DLG2: variants seen among roughly 807,000 people sequenced by gnomAD.
DLG2 encodes disks large homolog 2.
Under a neutral mutation model 132.5 loss-of-function variants are expected in DLG2, and 45 were observed. The observed-to-expected ratio is 0.34, with a 90% CI of 0.27 to 0.44. The LOEUF (loss-of-function observed/expected upper bound fraction) is 0.44, where lower values mean the gene tolerates loss of function less well. DLG2 is among the 20% of genes least tolerant of loss of function. DLG2 has a pLI of 1.00. For synonymous variants in DLG2, 424 were observed against 419.6 expected (o/e 1.01, Z -0.13); for missense variants, 1,045 against 1,196.9 (o/e 0.87, Z 1.87).
chr11:85,271,411 T>C (rs887688148), intron 4 of DLG2, among the ~76,000 whole-genome samples: 1 of 152,220 alleles, frequency 6.6e-6, no homozygotes, highest in East Asian at 1.9e-4. Context: ...AGAAGGGAAA[T>C]GTGGGGTGGG....
intron 18 of DLG2, among the ~76,000 whole-genome samples, chr11:83,784,553 A>G (rs2094961554): frequency 6.6e-6 from 1 of 152,244 alleles, no homozygotes; most frequent in South Asian, 2.1e-4. Flanking sequence ...AGGTTTCTTT[A>G]CAAGCACTTT....
intron 4 of DLG2, among the ~76,000 whole-genome samples, chr11:85,185,703 A>T (rs567474019): frequency 2.9e-4 from 44 of 151,868 alleles, no homozygotes; most frequent in Non-Finnish European, 5.7e-4. Context: ...TGTCCTCATA[A>T]CACCCTCTGC....
At chr11:83,724,517 G>GAGAT in intron 18 of DLG2, among the ~76,000 whole-genome samples, 1 of 146,466 alleles carries the variant, frequency 6.8e-6, no homozygotes, top group Admixed American at 6.9e-5. Flanking sequence ...GAGAGAGAGA[G>GAGAT]AGAGAATATC....
At chr11:85,493,546 A>ATAACAACTACTTGGGAGTTGTTATT (rs1298950978) in intron 3 of DLG2, among the ~76,000 whole-genome samples, 3 of 152,086 alleles carry the variant, frequency 2.0e-5, no homozygotes, top group Non-Finnish European at 4.4e-5. Context: ...TGTGTCTGTA[A>ATAACAACTACTTGGGAGTTGTTATT]TAACAACTAC....
rs2077953048 is a variant in DLG2, at chr11:85,573,233, T to C, written c.40+25424A>G. ...TATAAATTACCCAGTCTCAGGTATT[T>C]GTTTATAGCAATGCAAGAATGGCCT... On this transcript the variant is annotated intron_variant, in intron 3 of 27. Coordinates refer to ENST00000376104, the MANE Select transcript of DLG2 (RefSeq NM_001142699.3). Among the ~76,000 whole-genome samples, 3 of 152,326 alleles carry C rather than the reference T, an allele frequency of 2.0e-5. No individual in the cohort carries two copies. In the South Asian group the frequency reaches 6.2e-4, roughly 32 times the overall value.
chr11:85,466,377 T>C (rs182014894), intron 3 of DLG2, among the ~76,000 whole-genome samples: 25 of 152,328 alleles, frequency 1.6e-4, no homozygotes, highest in Non-Finnish European at 2.9e-4. Flanking sequence ...AGACATGAAG[T>C]CCTTGCCCAT....
At chr11:83,581,695 T>C (rs2096979256) in intron 19 of DLG2, among the ~76,000 whole-genome samples, 1 of 152,306 alleles carries the variant, frequency 6.6e-6, no homozygotes, top group African/African-American at 2.4e-5. Context: ...TTTGAAACGA[T>C]ATAACATTGA....
intron 6 of DLG2, among the ~76,000 whole-genome samples, chr11:84,961,518 T>C (rs1329903481): frequency 7.7e-6 from 1 of 130,328 alleles, no homozygotes; most frequent in African/African-American, 3.1e-5. Context: ...ATCCTAAGAA[T>C]TGTATCTTTG....
chr11:85,149,637 A>C (rs984369213), intron 5 of DLG2, among the ~76,000 whole-genome samples: 13 of 152,198 alleles, frequency 8.5e-5, no homozygotes, highest in Admixed American at 3.9e-4. Flanking sequence ...AAGTATAAAA[A>C]AACAGAATCC....
At chr11:83,790,111 C>T (rs1167492954) in intron 17 of DLG2, 1 of 937,896 alleles carries the variant, frequency 1.1e-6, no homozygotes, top group Non-Finnish European at 1.6e-6. Context: ...GAGACACTGG[C>T]TTGGCCAGTC....
intron 7 of DLG2, among the ~76,000 whole-genome samples, chr11:84,397,219 C>T (rs1390118319): frequency 1.3e-5 from 2 of 152,138 alleles, no homozygotes; most frequent in Non-Finnish European, 2.9e-5. Flanking sequence ...GACTACAAAG[C>T]CCTTGCTTCC....
chr11:84,692,118 C>T (rs760989808), intron 6 of DLG2, among the ~76,000 whole-genome samples: 9 of 151,744 alleles, frequency 5.9e-5, no homozygotes, highest in Middle Eastern at 3.4e-3. Flanking sequence ...ATGTTCAGCA[C>T]GCAGCATGTG....
intron 3 of DLG2, among the ~76,000 whole-genome samples, chr11:85,573,010 C>T: frequency 6.6e-6 from 1 of 152,160 alleles, no homozygotes; most frequent in Admixed American, 6.5e-5. Context: ...TCACACAAGA[C>T]CTGATCATTT....
chr11:83,707,584 T>C (rs1338970764), intron 18 of DLG2, among the ~76,000 whole-genome samples: 3 of 152,168 alleles, frequency 2.0e-5, no homozygotes, highest in Admixed American at 6.5e-5. Context: ...GGCAAGAGAA[T>C]CGTTTGAACC....
chr11:84,970,658 G>A (rs567129624), intron 6 of DLG2, among the ~76,000 whole-genome samples: 158 of 152,164 alleles, frequency 1.0e-3, no homozygotes, highest in Non-Finnish European at 1.7e-3. Context: ...TTAGGACTTC[G>A]ACATATGAAT....
intron 6 of DLG2, among the ~76,000 whole-genome samples, chr11:85,051,656 G>GA (rs1422824065): frequency 6.6e-6 from 1 of 152,124 alleles, no homozygotes; most frequent in Non-Finnish European, 1.5e-5. Context: ...GCGGAGTTGT[G>GA]AAAAACTATG....
At chr11:84,646,997 T>C (rs1250827485) in intron 6 of DLG2, among the ~76,000 whole-genome samples, 1 of 152,012 alleles carries the variant, frequency 6.6e-6, no homozygotes, top group Non-Finnish European at 1.5e-5. Flanking sequence ...ATTGAGAGAG[T>C]AAGACAGGTA....
At chr11:83,650,955 A>T (rs2070097504) in intron 18 of DLG2, among the ~76,000 whole-genome samples, 1 of 152,170 alleles carries the variant, frequency 6.6e-6, no homozygotes, top group South Asian at 2.1e-4. Context: ...TTTGATAGTA[A>T]GTCTTTTATG....
At chr11:84,055,608 A>C (rs1477637557) in intron 11 of DLG2, among the ~76,000 whole-genome samples, 1 of 152,024 alleles carries the variant, frequency 6.6e-6, no homozygotes, top group African/African-American at 2.4e-5. Flanking sequence ...ACATGCCTCT[A>C]CTTCTATCTG....
Sources: gnomAD v4.1 joint callset for allele counts (sites outside exome capture counted in the v4.1 genomes callset) on GRCh38, gnomAD v4.1.1 for gene constraint, MANE v1.5 for transcripts, NCBI Gene and HGNC (gene_info 2026-07-23, HGNC 2026-07-21) for gene names.